The following PPME1 variants were observed in gnomAD, a reference collection of about 807,000 sequenced individuals.
PPME1 encodes the protein protein phosphatase methylesterase 1.
PPME1 carries 17 observed loss-of-function variants against 56.9 expected under a neutral mutation model. The observed-to-expected ratio is 0.30, with a 90% CI of 0.20 to 0.45. The LOEUF is 0.45. Ranked by LOEUF, PPME1 falls within the 20% of genes least tolerant of loss-of-function variation. PPME1 has a pLI of 1.00. For synonymous variants in PPME1, 122 were observed against 156.2 expected (o/e 0.78, Z 1.63); for missense variants, 357 against 483.2 (o/e 0.74, Z 2.45).
chr11:74,204,707 AG>A lies in PPME1; in HGVS notation c.288+263del, dbSNP rs560591392. ...GTAAAGGTTTGGGGAGAAAAAGAAA[AG>A]ATAATAGGGAGTGATGGAAAATGTG... On this transcript the variant is annotated intron_variant, in intron 3 of 13. Transcript: ENST00000328257. 7.2e-5 allele frequency among the ~76,000 whole-genome samples: 11 copies of A among 152,338 alleles called. No homozygotes were observed. In the East Asian group the frequency reaches 2.1e-3, roughly 29 times the overall value.
intron 3 of PPME1, among the ~76,000 whole-genome samples, chr11:74,221,487 ATTGGTAACTTACC>A (rs1322436523): frequency 6.6e-6 from 1 of 152,096 alleles, no homozygotes; most frequent in Non-Finnish European, 1.5e-5. Context: ...TGACTTTTAT[ATTGGTAACTTACC>A]TTGGGTCTAG....
At chr11:74,211,529 C>G (rs1032177881) in intron 3 of PPME1, among the ~76,000 whole-genome samples, 1 of 151,992 alleles carries the variant, frequency 6.6e-6, no homozygotes, top group East Asian at 1.9e-4. Flanking sequence ...AATAACAAAT[C>G]GTAAGAAAAT....
chr11:74,184,982 A>G (rs1857635913), intron 1 of PPME1, among the ~76,000 whole-genome samples: 1 of 145,694 alleles, frequency 6.9e-6, no homozygotes, highest in African/African-American at 2.6e-5. Flanking sequence ...TTGCTTATGA[A>G]GTATGTCTTT....
At chr11:74,199,855 C>T (rs186061082) in intron 1 of PPME1, among the ~76,000 whole-genome samples, 1 of 152,214 alleles carries the variant, frequency 6.6e-6, no homozygotes, top group African/African-American at 2.4e-5. Flanking sequence ...AGGGGTTTCC[C>T]CTTATAAAGC....
At chr11:74,189,433 G>A (rs1195703518) in intron 1 of PPME1, among the ~76,000 whole-genome samples, 1 of 152,052 alleles carries the variant, frequency 6.6e-6, no homozygotes, top group Non-Finnish European at 1.5e-5. Context: ...GGGACTGCAG[G>A]TGTGCACCAC....
chr11:74,251,872 C>A, intron 13 of PPME1, 157 bp downstream of exon 13: 1 of 956,010 alleles, frequency 1.0e-6, no homozygotes, highest in Non-Finnish European at 1.7e-6. Flanking sequence ...ATGTCTGTTT[C>A]TACAAAGCCA....
At chr11:74,235,351 G>C (rs974560235) in intron 7 of PPME1, among the ~76,000 whole-genome samples, 1 of 151,858 alleles carries the variant, frequency 6.6e-6, no homozygotes, top group African/African-American at 2.4e-5. Context: ...ATTCTGTCAC[G>C]CTCCCCTTTT....
intron 1 of PPME1, among the ~76,000 whole-genome samples, chr11:74,194,691 C>G (rs535726226): frequency 7.1e-4 from 108 of 151,970 alleles, no homozygotes; most frequent in Non-Finnish European, 1.1e-3. Flanking sequence ...TATTAATTAC[C>G]ATAGACAGAA....
intron 1 of PPME1, among the ~76,000 whole-genome samples, chr11:74,202,152 G>T (rs558726889): frequency 1.2e-4 from 19 of 152,316 alleles, no homozygotes; most frequent in Admixed American, 7.8e-4. Context: ...GGAACTTGTA[G>T]AGAAATGGTA....
At chr11:74,225,369 A>G in intron 5 of PPME1, 113 bp downstream of exon 5, 1 of 742,796 alleles carries the variant, frequency 1.3e-6, no homozygotes, top group Non-Finnish European at 2.1e-6. Flanking sequence ...ACCACAAGGA[A>G]AATTTTACTT....
chr11:74,199,924 C>G (rs942412754), intron 1 of PPME1, among the ~76,000 whole-genome samples: 11 of 152,140 alleles, frequency 7.2e-5, no homozygotes, highest in African/African-American at 2.7e-4. Flanking sequence ...AAACTGCCCC[C>G]ATGATTCAAT....
In PPME1 at chr11:74,225,084, AT is replaced by A. The variant is rs1858900188; in HGVS notation, c.347-119del. On this transcript the variant is annotated intron_variant, in intron 4 of 13. Coordinates refer to ENST00000328257, the MANE Select transcript of PPME1 (RefSeq NM_016147.3). ...TCTGAAGAAAATCCTTGCTAAACTC[AT>A]TGTGTAAAATTGTGAAGTCCCTAAT... 6.2e-5 allele frequency: 38 copies of A among 612,158 alleles called. 1 individual carries two copies. The South Asian group carries it at 9.2e-4, about 15-fold the overall frequency. The allele number at this position is 612,158 out of a possible 1,614,324, so 37.9% of individuals were successfully genotyped here.
intron 4 of PPME1, 48 bp from the exon 5 acceptor site, chr11:74,225,157 A>T (rs760574177): frequency 2.3e-6 from 3 of 1,292,436 alleles, no homozygotes; most frequent in Non-Finnish European, 3.2e-6. Flanking sequence ...TTCTGCTTTT[A>T]TAATTCCTGT....
chr11:74,239,183 T>G lies in PPME1; in HGVS notation c.761T>G (p.Ile254Ser), dbSNP rs555905786. 2.4e-5 allele frequency: 39 copies of G among 1,612,926 alleles called. 1 individual carries two copies. The South Asian group carries it at 4.2e-4, about 17-fold the overall frequency. ...PEGSKSIVEGIIEEEEEDEEG... is the reference protein window; with the variant it reads ...PEGSKSIVEGSIEEEEEDEEG... ...GGCTCAAAATCTATAGTGGAAGGAA[T>G]CATAGAGGAAGAAGAAGAAGATGAG... The change falls in exon 9 of 14, where the codon ATC becomes AGC. Residue 254 changes from isoleucine (I) to serine (S), a missense_variant. By Grantham distance (142) the Ile-to-Ser change is moderately radical (BLOSUM62 -2). Transcript: ENST00000328257.
chr11:74,186,301 A>G (rs1857680439), intron 1 of PPME1, among the ~76,000 whole-genome samples: 1 of 152,144 alleles, frequency 6.6e-6, no homozygotes. Context: ...CAACCTTGCT[A>G]CAAGGTTCTT....
intron 4 of PPME1, 80 bp downstream of exon 4, chr11:74,222,449 C>A: frequency 8.1e-7 from 1 of 1,235,310 alleles, no homozygotes; most frequent in Non-Finnish European, 1.2e-6. Context: ...TTAGAAATTT[C>A]AACGTGGCCA....
intron 7 of PPME1, among the ~76,000 whole-genome samples, chr11:74,233,176 G>A (rs1859111705): frequency 6.6e-6 from 1 of 151,948 alleles, no homozygotes; most frequent in African/African-American, 2.4e-5. Context: ...AGGAAGCCAG[G>A]GGATATACCT....
At position 74,253,756 on chromosome 11, in the gene PPME1, T is replaced by G. The variant is rs1197970949; in HGVS notation, c.*246T>G. On this transcript the variant is annotated 3_prime_UTR_variant, in exon 14 of 14. Coordinates refer to ENST00000328257, the MANE Select transcript of PPME1 (RefSeq NM_016147.3). ...CCCTGCTCCTTTCCCTTCCCTGTAC[T>G]GGGGTAGCTCCTGCCTGCTCTCCCT... 3.4e-6 allele frequency: 2 copies of G among 588,054 alleles called. No homozygotes were observed. The highest frequency in any genetic ancestry group is 6.0e-6 in the Non-Finnish European group (2 of 330,814). 36.4% of individuals were successfully genotyped at this position (588,054 alleles called of 1,614,324 possible). A position where few individuals can be genotyped will look rare whatever the true frequency, so the allele number is the denominator to read the frequency against.
intron 1 of PPME1, among the ~76,000 whole-genome samples, chr11:74,191,927 G>A (rs967083136): frequency 2.0e-4 from 31 of 152,188 alleles, no homozygotes; most frequent in Non-Finnish European, 3.4e-4. Flanking sequence ...AGGGGAAATG[G>A]GGGGTTGGAG....
Sources: gnomAD v4.1 joint callset for allele counts (sites outside exome capture counted in the v4.1 genomes callset) on GRCh38, gnomAD v4.1.1 for gene constraint, MANE v1.5 for transcripts, NCBI Gene and HGNC (gene_info 2026-07-23, HGNC 2026-07-21) for gene names.